Variants in NKX2-5 observed in about 807,000 individuals in gnomAD.
NKX2-5 encodes homeobox protein Nkx-2.5.
In NKX2-5, 3 loss-of-function variants were observed where a neutral mutation model predicts 24.5. The observed-to-expected ratio is 0.12, with a 90% confidence interval of 0.06 to 0.32. The LOEUF is 0.32. NKX2-5 is among the 10% of genes least tolerant of loss of function. NKX2-5 has a pLI of 1.00. For missense variants in NKX2-5, 429 were observed against 452.4 expected (o/e 0.95, Z 0.47); for synonymous variants, 215 against 217.6 (o/e 0.99, Z 0.11).
Position 173,232,506 on chromosome 5 carries a change from C to T in NKX2-5, c.*63G>A. 1 of 1,589,754 alleles carries T rather than the reference C, an allele frequency of 6.3e-7. No individual in the cohort carries two copies. Among genetic ancestry groups the T allele is most frequent in the South Asian group, 1.1e-5 (1 of 89,838 alleles). On this transcript the variant is annotated 3_prime_UTR_variant, in exon 2 of 2. Transcript: ENST00000329198. This position sits in a 1 kb window ranked among gnomAD's most constrained non-coding sequence, Gnocchi z 5.9. ...GGGTCATGTTGGGAGCCCCTTCTCC[C>T]CCCGAGAGTCAGGGAGCTGTTGAGG...
intron 1 of NKX2-5, chr5:173,234,147 A>G (rs1204947028): frequency 7.8e-7 from 1 of 1,288,968 alleles, no homozygotes. Flanking sequence ...TGTGCTGAAA[A>G]AATAAAGTGA....
intron 1 of NKX2-5, chr5:173,233,517 A>AAT (rs1554093573): frequency 3.9e-6 from 3 of 768,406 alleles, no homozygotes; most frequent in African/African-American, 2.1e-5. Flanking sequence ...AAAAAAAAAA[A>AAT]AATAAATAAA....
chr5:173,235,070 G>C lies in NKX2-5; in HGVS notation c.14C>G (p.Pro5Arg). 1.2e-6 allele frequency: 2 copies of C among 1,607,306 alleles called. No individual in the cohort carries two copies. The highest frequency in any genetic ancestry group is 1.7e-6 in the Non-Finnish European group (2 of 1,177,836). ...TGAGAAGGGCGTGGGCGTGAGAGCA[G>C]GGCTGGGGAACATGGTGGCAGCGCC... MFPS[P>R]ALTPTPFSVK... The change falls in exon 1 of 2, where the codon CCT becomes CGT. Residue 5 changes from proline (P) to arginine (R), a missense_variant. Pro to Arg is a moderately radical substitution (Grantham distance 103, BLOSUM62 -2). This residue lies in a region of NKX2-5 where 240 missense variants were observed against 240.4 expected (regional missense o/e 1.00). Transcript: ENST00000329198.
chr5:173,232,939 A>G lies in NKX2-5; in HGVS notation c.605T>C (p.Leu202Pro), dbSNP rs768499098. 1.0e-5 allele frequency: 16 copies of G among 1,605,294 alleles called. No individual in the cohort carries two copies. Among genetic ancestry groups the G allele is most frequent in the African/African-American group, 1.3e-5 (1 of 74,816 alleles). The change falls in exon 2 of 2, where the codon CTG becomes CCG. Residue 202 changes from leucine (L) to proline (P), a missense_variant. Transcript: ENST00000329198. This position sits in a 1 kb window ranked among gnomAD's most constrained non-coding sequence, Gnocchi z 5.9. ...CGGCGGGGGCAGCCCCACCAGCTCC[A>G]GAGTCTGGTCCTGCCGCTGCCGCTT... ...KCKRQRQDQT[L>P]ELVGLPPPPP...
At position 173,233,505 on chromosome 5, in the gene NKX2-5, C is replaced by CAAAAAAAA. The variant is rs763099269; in HGVS notation, c.335-304_335-297dup. 295 of 502,258 alleles carry CAAAAAAAA rather than the reference C, an allele frequency of 5.9e-4. 5 individuals carry two copies. Among genetic ancestry groups the CAAAAAAAA allele is most frequent in the South Asian group, 1.4e-3 (45 of 32,916 alleles). 31.1% of individuals were successfully genotyped at this position (502,258 alleles called of 1,614,324 possible). A position where few individuals can be genotyped will look rare whatever the true frequency, so the allele number is the denominator to read the frequency against. On this transcript the variant is annotated intron_variant, in intron 1 of 1. Coordinates refer to ENST00000329198, the MANE Select transcript of NKX2-5 (RefSeq NM_004387.4). ...GACGGTGACTTAAAATTTCAGGCTGCAAAAAAAAAAAAAATAAATAAAAAA... is the reference window on the plus strand; with the variant it reads ...GACGGTGACTTAAAATTTCAGGCTGCAAAAAAAAAAAAAAAAAAAAAATAAATAAAAAA...
chr5:173,234,089 C>G (rs1290635216), intron 1 of NKX2-5: 1 of 1,289,454 alleles, frequency 7.8e-7, no homozygotes, highest in South Asian at 1.2e-5. Context: ...GCAGCATTTC[C>G]TAACTTTTCC....
rs767243751 is a variant in NKX2-5 at position 173,234,784 on chromosome 5, G to T, written c.300C>A (p.Pro100=). 124 of 1,568,948 alleles carry T rather than the reference G, an allele frequency of 7.9e-5. 2 individuals carry two copies. The East Asian group carries it at 2.9e-3, about 36-fold the overall frequency. The change falls in exon 1 of 2, where the codon CCC becomes CCA. Residue 100 remains proline (P), a synonymous_variant. Transcript: ENST00000329198. ...PAFYPRAYSD[P]DPAKDPRAEK... ...CGGCTCTAGGGTCCTTGGCTGGGTC[G>T]GGGTCGCTGTAGGCACGTGGATAGA...
In NKX2-5 at chr5:173,232,746, A is replaced by G. The variant is rs768898597; in HGVS notation, c.798T>C (p.Pro266=). 6.2e-6 allele frequency: 10 copies of G among 1,604,458 alleles called. No homozygotes were observed. Among genetic ancestry groups the G allele is most frequent in the Non-Finnish European group, 1.7e-6 (2 of 1,175,800 alleles). The change falls in exon 2 of 2, where the codon CCT becomes CCC. Residue 266 remains proline, a synonymous_variant. Transcript: ENST00000329198. This position sits in a 1 kb window ranked among gnomAD's most constrained non-coding sequence, Gnocchi z 5.9. ...YPGYGGAACS[P]GYSCTAAYPA... ...GGTAAGCGGCAGTGCAGCTGTAGCC[A>G]GGGCTGCAGGCCGCGCCGCCGTAAC...
rs1161314341 is a variant in NKX2-5, at chr5:173,232,350, G to A, written c.*219C>T. On this transcript the variant is annotated 3_prime_UTR_variant, in exon 2 of 2. Coordinates refer to ENST00000329198, the MANE Select transcript of NKX2-5 (RefSeq NM_004387.4). This position sits in a 1 kb window ranked among gnomAD's most constrained non-coding sequence, Gnocchi z 5.9. ...TCCTGGGGGGACAGCTAAGACACCAGGCTGCAGGATCACTCATTGCACGCT... is the reference window on the plus strand; with the variant it reads ...TCCTGGGGGGACAGCTAAGACACCAAGCTGCAGGATCACTCATTGCACGCT... The A allele has an allele frequency of 1.2e-6, 1 of 845,172 alleles. No homozygotes were observed. The highest frequency in any genetic ancestry group is 2.7e-5 in the East Asian group (1 of 36,674). 52.4% of individuals were successfully genotyped at this position (845,172 alleles called of 1,614,324 possible). A position where few individuals can be genotyped will look rare whatever the true frequency, so the allele number is the denominator to read the frequency against.
chr5:173,232,485 C>A lies in NKX2-5; in HGVS notation c.*84G>T. 1 of 1,569,034 alleles carries A rather than the reference C, an allele frequency of 6.4e-7. No homozygotes were observed. The highest frequency in any genetic ancestry group is 1.1e-5 in the South Asian group (1 of 87,772). Reference sequence around the variant, plus strand: ...ATGCAAAATCCAGGGGACTCAGGGTCATGTTGGGAGCCCCTTCTCCCCCCG... The same window carrying A: ...ATGCAAAATCCAGGGGACTCAGGGTAATGTTGGGAGCCCCTTCTCCCCCCG... On this transcript the variant is annotated 3_prime_UTR_variant, in exon 2 of 2. Transcript: ENST00000329198. The surrounding 1 kb of genome is among the most constrained non-coding windows in gnomAD (Gnocchi z 5.9).
chr5:173,234,030 C>T, intron 1 of NKX2-5: 2 of 1,281,238 alleles, frequency 1.6e-6, no homozygotes, highest in Non-Finnish European at 2.0e-6. Flanking sequence ...GGATGGCCTG[C>T]GGGATGATCC....
At chr5:173,234,650 C>G in intron 1 of NKX2-5, 100 bp downstream of exon 1, 1 of 1,084,478 alleles carries the variant, frequency 9.2e-7, no homozygotes, top group Admixed American at 3.5e-5. Flanking sequence ...CGCAGCCCAG[C>G]CCTCGGCCCA....
At chr5:173,234,466 C>T (rs1222523174) in intron 1 of NKX2-5, among the ~76,000 whole-genome samples, 3 of 152,238 alleles carry the variant, frequency 2.0e-5, no homozygotes, top group Non-Finnish European at 2.9e-5. Flanking sequence ...AACTTCCTAC[C>T]AGACCCAGGA....
Position 173,235,161 on chromosome 5 carries a change from A to T in NKX2-5, c.-78T>A. On this transcript the variant is annotated 5_prime_UTR_variant, in exon 1 of 2. An upstream start codon of the reference 5' UTR is lost. Coordinates refer to ENST00000329198, the MANE Select transcript of NKX2-5 (RefSeq NM_004387.4). The stretch of plus-strand genomic sequence containing the variant: ...CCACGGCCCCTGGCAGCTTCCCTGC[A>T]TGGTGCCGCCGCCCGCCCGCGCACC... 2 of 1,434,332 alleles carry T rather than the reference A, an allele frequency of 1.4e-6. No homozygotes were observed. Among genetic ancestry groups the T allele is most frequent in the Non-Finnish European group, 1.9e-6 (2 of 1,067,034 alleles). The allele number at this position is 1,434,332 out of a possible 1,614,324, so 88.9% of individuals were successfully genotyped here.
In NKX2-5 at chr5:173,233,084, C is replaced by G. The variant is rs1324062610; in HGVS notation, c.460G>C (p.Glu154Gln). The change falls in exon 2 of 2, where the codon GAG becomes CAG. Residue 154 changes from glutamate (E) to glutamine (Q), a missense_variant. By Grantham distance (29) the Glu-to-Gln change is conservative. Coordinates refer to ENST00000329198, the MANE Select transcript of NKX2-5 (RefSeq NM_004387.4). The part of the protein sequence containing the change: ...LFSQAQVYEL[E>Q]RRFKQQRYLS... ...TACCGCTGCTGCTTGAAGCGCCGCT[C>G]CAGCTCATAGACCTGCGCCTGCGAG... is the stretch of plus-strand genomic sequence containing the variant. The G allele has an allele frequency of 3.7e-6, 6 of 1,601,234 alleles. No homozygotes were observed. The highest frequency in any genetic ancestry group is 4.5e-5 in the East Asian group (2 of 44,336).
chr5:173,233,601 G>A (rs1219050937), intron 1 of NKX2-5: 2 of 711,576 alleles, frequency 2.8e-6, no homozygotes, highest in Non-Finnish European at 2.3e-6. Flanking sequence ...GGTTTGAGAA[G>A]TTAAATGAAC....
chr5:173,232,617 C>A lies in NKX2-5; in HGVS notation c.927G>T (p.Pro309=), dbSNP rs1296129426. 2 of 1,613,310 alleles carry A rather than the reference C, an allele frequency of 1.2e-6. No homozygotes were observed. Among genetic ancestry groups the A allele is most frequent in the East Asian group, 4.5e-5 (2 of 44,864 alleles). ...GCGTGGACACTCCCGAGTTGCTCTGCGGAATCCCGGGGCTCTGAACCGCAT... is the reference window on the plus strand; with the variant it reads ...GCGTGGACACTCCCGAGTTGCTCTGAGGAATCCCGGGGCTCTGAACCGCAT... ...DLNAVQSPGI[P]QSNSGVSTLH... Residue 309 remains proline (P), a synonymous_variant, in exon 2 of 2, where the codon CCG becomes CCT. Coordinates refer to ENST00000329198, the MANE Select transcript of NKX2-5 (RefSeq NM_004387.4). This position sits in a 1 kb window ranked among gnomAD's most constrained non-coding sequence, Gnocchi z 5.9.
chr5:173,234,389 A>G (rs1761412452), intron 1 of NKX2-5: 2 of 846,230 alleles, frequency 2.4e-6, no homozygotes, highest in Non-Finnish European at 2.8e-6. Context: ...TCGTAAATCC[A>G]AAGGAGATTT....
At chr5:173,234,258 C>T (rs1328526453) in intron 1 of NKX2-5, 2 of 1,207,502 alleles carry the variant, frequency 1.7e-6, no homozygotes, top group Non-Finnish European at 2.1e-6. Context: ...ACCAGAAACC[C>T]GGGTCGTGGG....
Sources: allele counts gnomAD v4.1 joint callset (sites outside exome capture counted in the v4.1 genomes callset), GRCh38; gene constraint gnomAD v4.1.1; regional missense constraint gnomAD v4.1.1; non-coding constraint Gnocchi (gnomAD v3.1); transcripts MANE v1.5; gene names NCBI Gene and HGNC (gene_info 2026-07-23, HGNC 2026-07-21).